STAC: variants seen among roughly 807,000 people sequenced by gnomAD.
STAC encodes SH3 and cysteine-rich domain-containing protein.
STAC carries 43 observed loss-of-function variants against 48.8 expected under a neutral mutation model. That is an observed-to-expected ratio of 0.88 (90% CI 0.69 to 1.14). STAC has a LOEUF of 1.14. STAC is among the 50% of genes most tolerant of loss of function. The pLI, the probability that STAC is intolerant of heterozygous loss-of-function variation, is 0.00. For synonymous variants in STAC, 193 were observed against 179.5 expected (o/e 1.07, Z -0.60); for missense variants, 497 against 504.0 (o/e 0.99, Z 0.13).
intron 8 of STAC, among the ~76,000 whole-genome samples, chr3:36,523,364 A>G (rs1698850820): frequency 6.6e-6 from 1 of 152,220 alleles, no homozygotes; most frequent in Non-Finnish European, 1.5e-5. Flanking sequence ...ACTAAAGGAA[A>G]CTGATGCTTG....
intron 1 of STAC, among the ~76,000 whole-genome samples, chr3:36,389,848 T>C (rs990875763): frequency 1.3e-5 from 2 of 152,180 alleles, no homozygotes; most frequent in Non-Finnish European, 2.9e-5. Context: ...AGCATTGCCA[T>C]TCAAGTTAAT....
intron 1 of STAC, among the ~76,000 whole-genome samples, chr3:36,424,501 T>C (rs1559486009): frequency 6.6e-6 from 1 of 152,122 alleles, no homozygotes. Flanking sequence ...CACTAAGAGA[T>C]CTGGAATTTC....
At chr3:36,546,074 T>A in intron 10 of STAC, 117 bp from the exon 11 acceptor site, 1 of 774,224 alleles carries the variant, frequency 1.3e-6, no homozygotes, top group Non-Finnish European at 2.2e-6. Context: ...AAAACTGCTC[T>A]CCCTTTTCCA....
intron 2 of STAC, among the ~76,000 whole-genome samples, chr3:36,454,427 C>T (rs1027276666): frequency 6.6e-6 from 1 of 152,110 alleles, no homozygotes; most frequent in African/African-American, 2.4e-5. Flanking sequence ...ACTCCGAACA[C>T]ATCCGAACAT....
intron 1 of STAC, among the ~76,000 whole-genome samples, chr3:36,426,264 C>T (rs1575190610): frequency 6.6e-6 from 1 of 152,144 alleles, no homozygotes; most frequent in Non-Finnish European, 1.5e-5. Context: ...GAAGCAAAGT[C>T]TCCCTGTTCA....
rs115869795 is a variant in STAC, at chr3:36,435,083, T to C, written c.112-8281T>C. The stretch of plus-strand genomic sequence containing the variant: ...ATTTAACTTTGGGCAAGTTGCCATT[T>C]TTCTGTTTTCTCATCTGTAAAATGA... On this transcript the variant is annotated intron_variant, in intron 1 of 10. Coordinates refer to ENST00000273183, the MANE Select transcript of STAC (RefSeq NM_003149.3). Among the ~76,000 whole-genome samples the C allele has an allele frequency of 9.3e-3, 1,423 of 152,304 alleles. 12 individuals carry two copies. The highest frequency in any genetic ancestry group is 0.027 in the Middle Eastern group (8 of 294).
chr3:36,447,648 A>ACC (rs150781296), intron 2 of STAC, among the ~76,000 whole-genome samples: 207 of 121,732 alleles, frequency 1.7e-3, no homozygotes, highest in Middle Eastern at 4.0e-3. Context: ...ATGTATACAC[A>ACC]CCACACACAC....
At position 36,528,971 on chromosome 3, in the gene STAC, C is replaced by A. The variant is rs1309452538; in HGVS notation, c.1096C>A (p.Leu366Met). 2.5e-6 allele frequency: 4 copies of A among 1,605,596 alleles called. No individual in the cohort carries two copies. The highest frequency in any genetic ancestry group is 3.4e-6 in the Non-Finnish European group (4 of 1,175,338). ...IGCKEQGQIT[L>M]KENQICVSSE... ...GTGTAAGGAACAGGGGCAGATAACA[C>A]TGAAAGAGAATCAGGTGAGTAAACC... The change falls in exon 10 of 11, where the codon CTG becomes ATG. Residue 366 changes from leucine (L) to methionine (M), a missense_variant. Physicochemically the swap from Leu to Met is conservative, Grantham distance 15 (BLOSUM62 2). Transcript: ENST00000273183.
chr3:36,389,888 C>T (rs750088341), intron 1 of STAC, among the ~76,000 whole-genome samples: 3 of 152,168 alleles, frequency 2.0e-5, no homozygotes, highest in Non-Finnish European at 2.9e-5. Context: ...AACACAGAGC[C>T]TGGCATATAG....
At chr3:36,380,952 C>A (rs548375319) in intron 1 of STAC, among the ~76,000 whole-genome samples, 198 bp downstream of exon 1, 1 of 152,188 alleles carries the variant, frequency 6.6e-6, no homozygotes, top group Non-Finnish European at 1.5e-5. Flanking sequence ...AGCCTTCCCG[C>A]CCACACATTC....
chr3:36,432,229 A>G (rs1227170039), intron 1 of STAC, among the ~76,000 whole-genome samples: 3 of 152,122 alleles, frequency 2.0e-5, no homozygotes, highest in African/African-American at 7.2e-5. Context: ...TATTACTCCT[A>G]TTTTATGGAC....
chr3:36,534,907 C>A (rs772601547), intron 10 of STAC, among the ~76,000 whole-genome samples: 52 of 152,216 alleles, frequency 3.4e-4, no homozygotes, highest in Non-Finnish European at 6.6e-4. Flanking sequence ...CTCAAGTGAT[C>A]CCCAGCCTCC....
chr3:36,540,122 T>C (rs1699289359), intron 10 of STAC, among the ~76,000 whole-genome samples: 1 of 152,088 alleles, frequency 6.6e-6, no homozygotes, highest in African/African-American at 2.4e-5. Context: ...GCTATGCTCC[T>C]GGCCTTGAAG....
chr3:36,535,479 T>C (rs138301944), intron 10 of STAC, among the ~76,000 whole-genome samples: 92 of 152,298 alleles, frequency 6.0e-4, no homozygotes, highest in Middle Eastern at 3.4e-3. Context: ...TCTTGCCTGA[T>C]TGCCCTGGCC....
chr3:36,452,208 C>G (rs1696704247), intron 2 of STAC, among the ~76,000 whole-genome samples: 1 of 152,198 alleles, frequency 6.6e-6, no homozygotes, highest in African/African-American at 2.4e-5. Context: ...CCCTATACCC[C>G]ACACATCATT....
chr3:36,470,200 T>G (rs953404894), intron 2 of STAC, among the ~76,000 whole-genome samples: 7 of 152,234 alleles, frequency 4.6e-5, no homozygotes, highest in African/African-American at 1.7e-4. Flanking sequence ...GTAGACTATG[T>G]CAGAGGGGAG....
rs182135376 is a variant in STAC at position 36,508,674 on chromosome 3, G to A, written c.920+2840G>A. On this transcript the variant is annotated intron_variant, in intron 8 of 10. Transcript: ENST00000273183. The stretch of plus-strand genomic sequence containing the variant: ...TTGACCCCTTTACCATTATGTAATG[G>A]TCTTCCTTGTCTTTTTTGATCTTTG... Among the ~76,000 whole-genome samples the A allele has an allele frequency of 2.0e-3, 309 of 152,134 alleles. 2 individuals carry two copies. The highest frequency in any genetic ancestry group is 3.7e-3 in the Non-Finnish European group (254 of 67,972).
At chr3:36,416,918 C>G (rs1420513358) in intron 1 of STAC, among the ~76,000 whole-genome samples, 2 of 152,166 alleles carry the variant, frequency 1.3e-5, no homozygotes, top group African/African-American at 4.8e-5. Flanking sequence ...CTGGATTCAA[C>G]CACTCCCTGT....
intron 1 of STAC, among the ~76,000 whole-genome samples, chr3:36,439,101 C>T (rs1276471025): frequency 6.6e-6 from 1 of 152,156 alleles, no homozygotes; most frequent in Non-Finnish European, 1.5e-5. Flanking sequence ...GACCCACCAG[C>T]AGTGGAAAGA....
Sources: allele counts gnomAD v4.1 joint callset (sites outside exome capture counted in the v4.1 genomes callset), GRCh38; gene constraint gnomAD v4.1.1; transcripts MANE v1.5; gene names NCBI Gene and HGNC (gene_info 2026-07-23, HGNC 2026-07-21).